ST7L: variants seen among roughly 807,000 people sequenced by gnomAD.
The protein encoded by ST7L is suppression of tumorigenicity 7 like.
ST7L carries 57 observed loss-of-function variants against 72.5 expected under a neutral mutation model. The observed-to-expected ratio is 0.79, with a 90% CI of 0.64 to 0.98. ST7L has a LOEUF of 0.98. ST7L is among the 50% of genes least tolerant of loss of function. The pLI is 0.00. For missense variants in ST7L, 576 were observed against 672.2 expected (o/e 0.86, Z 1.58); for synonymous variants, 221 against 240.9 (o/e 0.92, Z 0.77).
intron 3 of ST7L, among the ~76,000 whole-genome samples, chr1:112,605,047 A>G (rs1209289693): frequency 7.5e-6 from 1 of 134,010 alleles, no homozygotes; most frequent in Non-Finnish European, 1.5e-5. Context: ...AGATCACGCC[A>G]TTGCATTCCA....
intron 1 of ST7L, among the ~76,000 whole-genome samples, chr1:112,617,711 TCTCTCTCACA>T (rs905023391): frequency 8.9e-4 from 60 of 67,474 alleles, no homozygotes; most frequent in African/African-American, 3.5e-3. Flanking sequence ...TCTGTCTTTC[TCTCTCTCACA>T]CACACACACA....
intron 13 of ST7L, among the ~76,000 whole-genome samples, chr1:112,547,193 CTTT>C (rs759140130): frequency 8.0e-5 from 11 of 137,498 alleles, no homozygotes; most frequent in East Asian, 2.1e-4. Flanking sequence ...TTCTTTCTTT[CTTT>C]TTTTTTTTTT....
At chr1:112,590,726 AAGT>A (rs903898975) in intron 6 of ST7L, among the ~76,000 whole-genome samples, 5 of 152,192 alleles carry the variant, frequency 3.3e-5, no homozygotes, top group African/African-American at 9.6e-5. Flanking sequence ...TCAAAATATA[AAGT>A]TCAAACAAAG....
At chr1:112,588,862 A>G (rs1175711088) in intron 6 of ST7L, among the ~76,000 whole-genome samples, 1 of 152,140 alleles carries the variant, frequency 6.6e-6, no homozygotes, top group Non-Finnish European at 1.5e-5. Context: ...TGGGACTCCT[A>G]TAATGCATAC....
At chr1:112,534,479 T>A (rs1289462782) in intron 14 of ST7L, among the ~76,000 whole-genome samples, 1 of 152,150 alleles carries the variant, frequency 6.6e-6, no homozygotes, top group East Asian at 1.9e-4. Context: ...ATAAGTATAA[T>A]CTCTTTTAAA....
At chr1:112,579,313 G>A (rs543920550) in intron 9 of ST7L, among the ~76,000 whole-genome samples, 189 of 149,146 alleles carry the variant, frequency 1.3e-3, no homozygotes, top group African/African-American at 4.3e-3. Flanking sequence ...GAACCTGGAA[G>A]GCCGAGGTTG....
downstream of ST7L, among the ~76,000 whole-genome samples, chr1:112,518,909 G>GTAGCAAC (rs1367810726): frequency 1.1e-4 from 16 of 152,204 alleles, no homozygotes; most frequent in Admixed American, 1.3e-4. Context: ...GTCCAATACA[G>GTAGCAAC]TAGCAACTAG....
intron 13 of ST7L, among the ~76,000 whole-genome samples, chr1:112,545,592 T>A (rs1451590664): frequency 6.6e-6 from 1 of 152,358 alleles, no homozygotes; most frequent in African/African-American, 2.4e-5. Context: ...TCTTAATTGC[T>A]AAAGTCAATG....
At chr1:112,617,845 A>T (rs775402013) in intron 1 of ST7L, among the ~76,000 whole-genome samples, 2 of 152,216 alleles carry the variant, frequency 1.3e-5, no homozygotes, top group African/African-American at 4.8e-5. Flanking sequence ...TGACAAGTCA[A>T]TCAGTAACAC....
chr1:112,561,353 C>T (rs1660092187), intron 11 of ST7L, among the ~76,000 whole-genome samples: 1 of 142,804 alleles, frequency 7.0e-6, no homozygotes, highest in Non-Finnish European at 1.5e-5. Context: ...GATAGCTGGA[C>T]CTCAGAAGTT....
In ST7L at chr1:112,617,036, T is replaced by G. The variant is rs1429577023; in HGVS notation, c.206-141A>C. 7.3e-6 allele frequency: 4 copies of G among 551,290 alleles called. No individual in the cohort carries two copies. The African/African-American group carries it at 7.8e-5, about 11-fold the overall frequency. The allele number at this position is 551,290 out of a possible 1,614,324, so 34.1% of individuals were successfully genotyped here. On this transcript the variant is annotated intron_variant, in intron 1 of 14. Coordinates refer to ENST00000358039, the MANE Select transcript of ST7L (RefSeq NM_017744.5). ...GAAATTCACTTGAAAAAGTTTTAATTTGTATATATATTATACATAATGGCT... is the reference window on the plus strand; with the variant it reads ...GAAATTCACTTGAAAAAGTTTTAATGTGTATATATATTATACATAATGGCT...
In ST7L at chr1:112,556,037, GAC is replaced by G; in HGVS notation, c.1246-21_1246-20del. 1 of 1,553,506 alleles carries G rather than the reference GAC, an allele frequency of 6.4e-7. No individual in the cohort carries two copies. Among genetic ancestry groups the G allele is most frequent in the South Asian group, 1.2e-5 (1 of 80,326 alleles). The stretch of plus-strand genomic sequence containing the variant: ...ATAAATACTGAAAGAGTAACACACA[GAC>G]ACATATACACACAACAGAAAAAAGA... On this transcript the variant is annotated intron_variant, in intron 11 of 14. Coordinates refer to ENST00000358039, the MANE Select transcript of ST7L (RefSeq NM_017744.5).
At position 112,584,242 on chromosome 1, in the gene ST7L, A is replaced by G. The variant is rs76579294; in HGVS notation, c.702-116T>C. The G allele has an allele frequency of 3.7e-5, 33 of 888,066 alleles. No individual in the cohort carries two copies. In the South Asian group the frequency reaches 4.7e-4, roughly 13 times the overall value. The allele number at this position is 888,066 out of a possible 1,614,324, so 55.0% of individuals were successfully genotyped here. ...TTACCTACACTTTTTCCATCTTTAG[A>G]AAAAAAAAAACCTTCGTTCAATATT... is the stretch of plus-strand genomic sequence containing the variant. On this transcript the variant is annotated intron_variant, in intron 6 of 14. Transcript: ENST00000358039.
intron 14 of ST7L, among the ~76,000 whole-genome samples, chr1:112,535,283 T>C (rs1463449945): frequency 6.6e-6 from 1 of 150,838 alleles, no homozygotes; most frequent in African/African-American, 2.4e-5. Flanking sequence ...GAGGTGGGCA[T>C]ATGGTTTGAG....
intron 11 of ST7L, among the ~76,000 whole-genome samples, chr1:112,573,831 T>C (rs1259722803): frequency 4.1e-5 from 6 of 147,774 alleles, no homozygotes; most frequent in African/African-American, 1.5e-4. Context: ...GAGGTGGAGG[T>C]TGCAGTGGGC....
chr1:112,588,368 T>C (rs1665171741), intron 6 of ST7L, among the ~76,000 whole-genome samples: 1 of 152,252 alleles, frequency 6.6e-6, no homozygotes, highest in South Asian at 2.1e-4. Flanking sequence ...GCCTTTTTTC[T>C]GATGGTGGAG....
chr1:112,520,078 C>T (rs550826240), downstream of ST7L, among the ~76,000 whole-genome samples: 16 of 151,334 alleles, frequency 1.1e-4, no homozygotes, highest in African/African-American at 3.1e-4. Flanking sequence ...TGCTATGTTT[C>T]CCAGGCTGGT....
Position 112,602,559 on chromosome 1 carries a change from C to A in ST7L, c.452-1711G>T, listed in dbSNP as rs148030288. ...CTTACAGTAAAAATAAGGCAAATTTCTTTTAAACATTATAGCAGGTATGAT... is the reference window on the plus strand; with the variant it reads ...CTTACAGTAAAAATAAGGCAAATTTATTTTAAACATTATAGCAGGTATGAT... On this transcript the variant is annotated intron_variant, in intron 3 of 14. Coordinates refer to ENST00000358039, the MANE Select transcript of ST7L (RefSeq NM_017744.5). Among the ~76,000 whole-genome samples, 15 of 152,230 alleles carry A rather than the reference C, an allele frequency of 9.9e-5. No individual in the cohort carries two copies. The East Asian group carries it at 2.5e-3, about 25-fold the overall frequency.
chr1:112,531,169 A>G (rs1654321338), intron 14 of ST7L, among the ~76,000 whole-genome samples: 1 of 152,178 alleles, frequency 6.6e-6, no homozygotes, highest in Admixed American at 6.5e-5. Flanking sequence ...CATACTGAAA[A>G]CCAGGATGGC....
Sources: allele counts gnomAD v4.1 joint callset (sites outside exome capture counted in the v4.1 genomes callset), GRCh38; gene constraint gnomAD v4.1.1; transcripts MANE v1.5; gene names NCBI Gene and HGNC (gene_info 2026-07-23, HGNC 2026-07-21).